The following USP24 variants were observed in gnomAD, a reference collection of about 807,000 sequenced individuals.
USP24 encodes ubiquitin specific peptidase 24, also known as ubiquitin carboxyl-terminal hydrolase 24.
Under a neutral mutation model 361.6 loss-of-function variants are expected in USP24, and 97 were observed. That is an observed-to-expected ratio of 0.27 (90% CI 0.23 to 0.32). USP24 has a LOEUF of 0.32. USP24 is among the 10% of genes least tolerant of loss of function. The pLI is 1.00. For missense variants in USP24, 2,353 were observed against 3,165.6 expected (o/e 0.74, Z 6.16); for synonymous variants, 1,098 against 1,124.6 (o/e 0.98, Z 0.47).
At position 55,157,110 on chromosome 1, in the gene USP24, T is replaced by A. The variant is rs1334490012; in HGVS notation, c.1343-59A>T. ...ATAGTGAACACTGACTCTCTAAATATAATTCTATTGATTCAAAACAATAAC... is the reference window on the plus strand; with the variant it reads ...ATAGTGAACACTGACTCTCTAAATAAAATTCTATTGATTCAAAACAATAAC... On this transcript the variant is annotated intron_variant, in intron 11 of 67. Transcript: ENST00000294383. The A allele has an allele frequency of 2.0e-6, 3 of 1,473,740 alleles. No homozygotes were observed. The East Asian group carries it at 6.8e-5, about 33-fold the overall frequency. The allele number at this position is 1,473,740 out of a possible 1,614,324, so 91.3% of individuals were successfully genotyped here.
intron 3 of USP24, among the ~76,000 whole-genome samples, chr1:55,174,272 C>T (rs1166689754): frequency 1.3e-5 from 2 of 152,060 alleles, no homozygotes; most frequent in Non-Finnish European, 2.9e-5. Flanking sequence ...GTCATCGAAC[C>T]GAGAAACACA....
At chr1:55,208,464 C>G (rs1644766193) in intron 1 of USP24, among the ~76,000 whole-genome samples, 1 of 151,576 alleles carries the variant, frequency 6.6e-6, no homozygotes, top group Non-Finnish European at 1.5e-5. Flanking sequence ...CCCGTCTCTA[C>G]TGAAAATATG....
rs368891293 is a variant in USP24 at position 55,071,848 on chromosome 1, G to T, written c.7766C>A (p.Pro2589His). The change falls in exon 67 of 68, where the codon CCT (proline) becomes CAT (histidine). Residue 2589 changes from proline to histidine, a missense_variant. Coordinates refer to ENST00000294383, the MANE Select transcript of USP24 (RefSeq NM_015306.3). The part of the protein sequence containing the change: ...SGSSNGSESS[P>H]ANENGDRHLQ... ...ATGCCTGTCTCCGTTCTCATTGGCAGGACTACTCTCCGACCCATTACTGCT... is the reference window on the plus strand; with the variant it reads ...ATGCCTGTCTCCGTTCTCATTGGCATGACTACTCTCCGACCCATTACTGCT... The T allele has an allele frequency of 6.2e-7, 1 of 1,613,320 alleles. No homozygotes were observed. Among genetic ancestry groups the T allele is most frequent in the African/African-American group, 1.3e-5 (1 of 74,918 alleles).
intron 15 of USP24, 86 bp downstream of exon 15, chr1:55,154,033 T>A (rs915964434): frequency 1.3e-6 from 2 of 1,591,278 alleles, no homozygotes; most frequent in Non-Finnish European, 8.6e-7. Context: ...TTAATTTACA[T>A]AACAGGGGAG....
At chr1:55,089,790 T>C in intron 54 of USP24, 50 bp from the exon 55 acceptor site, 1 of 1,323,102 alleles carries the variant, frequency 7.6e-7, no homozygotes, top group East Asian at 2.5e-5. Context: ...GCCCAGCCAA[T>C]GACCTCATGC....
intron 53 of USP24, 50 bp from the exon 54 acceptor site, chr1:55,092,176 A>G: frequency 8.6e-7 from 1 of 1,157,280 alleles, no homozygotes; most frequent in East Asian, 2.8e-5. Context: ...AGTTTTATAG[A>G]TTATTACACA....
At chr1:55,083,409 C>T (rs771372460) in intron 57 of USP24, 45 bp from the exon 58 acceptor site, 20 of 1,591,630 alleles carry the variant, frequency 1.3e-5, no homozygotes, top group Middle Eastern at 3.3e-4. Context: ...TCTATCCAGA[C>T]AAAAATTGGT....
At chr1:55,077,738 G>A (rs1195571976) in intron 61 of USP24, among the ~76,000 whole-genome samples, 1 of 152,176 alleles carries the variant, frequency 6.6e-6, no homozygotes, top group African/African-American at 2.4e-5. Context: ...ACTAAGTGAA[G>A]AAGGCAAAAT....
chr1:55,196,043 A>G (rs1205953519), intron 1 of USP24, among the ~76,000 whole-genome samples: 4 of 152,130 alleles, frequency 2.6e-5, no homozygotes, highest in Non-Finnish European at 4.4e-5. Flanking sequence ...GACCTAAGTA[A>G]ATGTCTACCT....
rs1255444690 is a variant in USP24, at chr1:55,092,109, T to C, written c.6468A>G (p.Pro2156=). 2 of 1,611,100 alleles carry C rather than the reference T, an allele frequency of 1.2e-6. No individual in the cohort carries two copies. Among genetic ancestry groups the C allele is most frequent in the Non-Finnish European group, 1.7e-6 (2 of 1,178,666 alleles). The stretch of plus-strand genomic sequence containing the variant: ...TCACCTTTGCCATGCAAGGATAATA[T>C]GGATGCTTTAATTTAGTCTAAGAGA... ...ASLNATKLKH[P]YYPCMAKVSL... is the part of the protein sequence containing the mutation. The change falls in exon 54 of 68, where the codon CCA becomes CCG. Residue 2156 remains proline, a synonymous_variant. Transcript: ENST00000294383.
intron 41 of USP24, 112 bp downstream of exon 41, chr1:55,106,034 G>C: frequency 1.2e-6 from 1 of 833,184 alleles, no homozygotes; most frequent in Non-Finnish European, 2.0e-6. Context: ...GATAATATAG[G>C]ATACACAGAC....
chr1:55,072,473 T>C, intron 65 of USP24, 70 bp from the exon 66 acceptor site: 7 of 1,275,454 alleles, frequency 5.5e-6, no homozygotes, highest in Non-Finnish European at 6.6e-6. Context: ...GTTTCTACCA[T>C]TAGATATTGA....
At chr1:55,124,068 G>A (rs1445426526) in intron 35 of USP24, among the ~76,000 whole-genome samples, 2 of 152,144 alleles carry the variant, frequency 1.3e-5, no homozygotes, top group Non-Finnish European at 2.9e-5. Context: ...ACCAAATAAA[G>A]CTGGGAAATA....
intron 24 of USP24, among the ~76,000 whole-genome samples, chr1:55,139,244 T>A (rs1334829069): frequency 2.6e-5 from 4 of 152,222 alleles, no homozygotes; most frequent in Non-Finnish European, 5.9e-5. Flanking sequence ...TTTCCTTTCC[T>A]TTTCTTTCTT....
At chr1:55,140,032 G>A (rs1646844994) in intron 24 of USP24, among the ~76,000 whole-genome samples, 1 of 151,906 alleles carries the variant, frequency 6.6e-6, no homozygotes. Context: ...AACAATTATG[G>A]ATACTGAAAA....
At chr1:55,121,322 C>A (rs1646274677) in intron 37 of USP24, 114 bp downstream of exon 37, 1 of 913,162 alleles carries the variant, frequency 1.1e-6, no homozygotes, top group Non-Finnish European at 1.7e-6. Flanking sequence ...TTCGTACACT[C>A]CCTGAGAGCA....
At chr1:55,170,547 G>A (rs1027529725) in intron 5 of USP24, among the ~76,000 whole-genome samples, 2 of 152,120 alleles carry the variant, frequency 1.3e-5, no homozygotes, top group African/African-American at 4.8e-5. Flanking sequence ...ATGTGGACTT[G>A]GGCAAGTACT....
chr1:55,204,792 T>C (rs1311280087), intron 1 of USP24, among the ~76,000 whole-genome samples: 2 of 152,232 alleles, frequency 1.3e-5, no homozygotes, highest in African/African-American at 2.4e-5. Flanking sequence ...AAAAACTTAC[T>C]GAATGGTTAT....
At chr1:55,209,440 C>T (rs940350045) in intron 1 of USP24, among the ~76,000 whole-genome samples, 2 of 152,132 alleles carry the variant, frequency 1.3e-5, no homozygotes, top group Non-Finnish European at 2.9e-5. Flanking sequence ...CACAAATCGG[C>T]TAGTGTGATT....
Sources: allele counts gnomAD v4.1 joint callset (sites outside exome capture counted in the v4.1 genomes callset), GRCh38; gene constraint gnomAD v4.1.1; transcripts MANE v1.5; gene names NCBI Gene and HGNC (gene_info 2026-07-23, HGNC 2026-07-21).